Variants in GLIPR1L1 observed in about 807,000 individuals in gnomAD.
The protein encoded by GLIPR1L1 is GLIPR1 like 1, also known as GLIPR1-like protein 1.
Under a neutral mutation model 29.9 loss-of-function variants are expected in GLIPR1L1, and 26 were observed. That is an observed-to-expected ratio of 0.87 (90% CI 0.64 to 1.21). The LOEUF (loss-of-function observed/expected upper bound fraction) is 1.21, where lower values mean the gene tolerates loss of function less well. GLIPR1L1 is among the 50% of genes most tolerant of loss of function. The pLI is 0.00. For synonymous variants in GLIPR1L1, 77 were observed against 97.5 expected (o/e 0.79, Z 1.24); for missense variants, 305 against 290.3 (o/e 1.05, Z -0.37).
rs150024584 is a variant in GLIPR1L1, at chr12:75,343,788, T to C, written c.270T>C (p.Tyr90=). The change falls in exon 2 of 6, where the codon TAT becomes TAC. Residue 90 remains tyrosine (Y), a synonymous_variant. Transcript: ENST00000378695. ...NDCLDKSYKC[Y]AAFEYVGENI... ...GTTTGGATAAATCATATAAATGCTA[T>C]GCAGCTTTTGAATATGTTGGAGAAA... The C allele has an allele frequency of 1.6e-3, 2,648 of 1,612,954 alleles. 5 individuals carry two copies. Among genetic ancestry groups the C allele is most frequent in the Middle Eastern group, 3.1e-3 (19 of 6,056 alleles).
chr12:75,347,684 A>G lies in GLIPR1L1; in HGVS notation c.483A>G (p.Gly161=). The G allele has an allele frequency of 6.2e-7, 1 of 1,605,106 alleles. No homozygotes were observed. Residue 161 remains glycine, a synonymous_variant, in exon 3 of 6, where the codon GGA becomes GGG. Transcript: ENST00000378695. ...TTGCAATGTGTCCTAACCTTGGGGGAGCTTCAACTGCAATATTTGTATGCA... is the reference window on the plus strand; with the variant it reads ...TTGCAATGTGTCCTAACCTTGGGGGGGCTTCAACTGCAATATTTGTATGCA... ...CAVAMCPNLG[G]ASTAIFVCNY... is the part of the protein sequence containing the mutation.
At chr12:75,350,794 CA>C (rs1180757523) in intron 3 of GLIPR1L1, among the ~76,000 whole-genome samples, 1 of 152,146 alleles carries the variant, frequency 6.6e-6, no homozygotes, top group East Asian at 1.9e-4. Context: ...TCTTCAGCTG[CA>C]AATGATCACA....
intron 3 of GLIPR1L1, among the ~76,000 whole-genome samples, chr12:75,359,455 G>A (rs919337031): frequency 1.6e-5 from 2 of 125,058 alleles, no homozygotes; most frequent in African/African-American, 6.0e-5. Context: ...TGTATAAATT[G>A]ACAAGTTGAT....
chr12:75,360,948 C>T (rs1008169189), intron 3 of GLIPR1L1: 8 of 152,188 alleles, frequency 5.3e-5, no homozygotes, highest in Admixed American at 1.3e-4. Flanking sequence ...CTGTTGCAGT[C>T]TTTCTTCCCC....
At chr12:75,359,206 CA>C (rs2043378600) in intron 3 of GLIPR1L1, among the ~76,000 whole-genome samples, 1 of 150,528 alleles carries the variant, frequency 6.6e-6, no homozygotes, top group Admixed American at 6.6e-5. Context: ...ATAATAGCAT[CA>C]AAAAATATAA....
intron 2 of GLIPR1L1, among the ~76,000 whole-genome samples, chr12:75,346,655 C>T (rs1293110895): frequency 7.2e-5 from 11 of 152,148 alleles, no homozygotes. Context: ...TCCCAAATCT[C>T]GTTTTTAAGT....
intron 1 of GLIPR1L1, among the ~76,000 whole-genome samples, chr12:75,336,448 A>G (rs2041746167): frequency 6.6e-6 from 1 of 151,838 alleles, no homozygotes; most frequent in Admixed American, 6.5e-5. Context: ...TCACAAATAG[A>G]TTAAAGTAAA....
intron 1 of GLIPR1L1, among the ~76,000 whole-genome samples, chr12:75,341,656 C>T (rs2042121052): frequency 6.6e-6 from 1 of 151,800 alleles, no homozygotes; most frequent in African/African-American, 2.4e-5. Flanking sequence ...CCGTGTTAGC[C>T]AGGACGGTCA....
rs530159142 is a variant in GLIPR1L1, at chr12:75,358,298, C to T, written c.522-4804C>T. ...AAAGAGAAAAGTATAGAGCAATATC[C>T]CTCACAAACATAGGTACAAAAAAAT... On this transcript the variant is annotated intron_variant, in intron 3 of 5. Coordinates refer to ENST00000378695, the MANE Select transcript of GLIPR1L1 (RefSeq NM_001304964.2). Among the ~76,000 whole-genome samples, 13 of 151,360 alleles carry T rather than the reference C, an allele frequency of 8.6e-5. No individual in the cohort carries two copies. The South Asian group carries it at 2.5e-3, about 29-fold the overall frequency.
intron 1 of GLIPR1L1, among the ~76,000 whole-genome samples, chr12:75,338,710 C>T (rs966001125): frequency 6.6e-6 from 1 of 152,196 alleles, no homozygotes; most frequent in Admixed American, 6.5e-5. Flanking sequence ...ACGTATTAAG[C>T]CCAGCATCTA....
At chr12:75,353,201 T>C (rs758967173) in intron 3 of GLIPR1L1, among the ~76,000 whole-genome samples, 2 of 151,880 alleles carry the variant, frequency 1.3e-5, no homozygotes, top group Non-Finnish European at 2.9e-5. Context: ...AATCAATGAA[T>C]CCAGGAGCTG....
chr12:75,339,502 G>A (rs2139284817), intron 1 of GLIPR1L1, among the ~76,000 whole-genome samples: 1 of 152,272 alleles, frequency 6.6e-6, no homozygotes, highest in African/African-American at 2.4e-5. Flanking sequence ...ACCTTGGTCA[G>A]ATGGATAGAT....
intron 1 of GLIPR1L1, among the ~76,000 whole-genome samples, chr12:75,339,608 A>AT (rs1477275708): frequency 2.0e-5 from 3 of 151,968 alleles, no homozygotes; most frequent in African/African-American, 7.3e-5. Context: ...CCATTTGTCC[A>AT]TTTTTGTTTT....
Position 75,343,953 on chromosome 12 carries a change from T to A in GLIPR1L1, c.420+15T>A. The A allele has an allele frequency of 6.3e-7, 1 of 1,580,712 alleles. No homozygotes were observed. Among genetic ancestry groups the A allele is most frequent in the Non-Finnish European group, 8.6e-7 (1 of 1,156,952 alleles). ...ATTATACACAGGTAAATATTTGACA[T>A]CTTTATTGATTAGTTCTTATTTGTG... On this transcript the variant is annotated intron_variant, in intron 2 of 5. Transcript: ENST00000378695.
At chr12:75,346,916 A>AT in intron 2 of GLIPR1L1, among the ~76,000 whole-genome samples, 1 of 152,004 alleles carries the variant, frequency 6.6e-6, no homozygotes, top group East Asian at 1.9e-4. Context: ...GTAAACCAGT[A>AT]TTTTTTTCCC....
chr12:75,335,426 T>C (rs1315498004), intron 1 of GLIPR1L1, among the ~76,000 whole-genome samples: 1 of 152,216 alleles, frequency 6.6e-6, no homozygotes, highest in Admixed American at 6.5e-5. Flanking sequence ...AAATAATCCA[T>C]AGAATTTACA....
intron 3 of GLIPR1L1, among the ~76,000 whole-genome samples, chr12:75,353,913 C>T (rs1365241137): frequency 6.6e-6 from 1 of 152,048 alleles, no homozygotes; most frequent in Non-Finnish European, 1.5e-5. Flanking sequence ...TCAATAGATG[C>T]CAAAAGGCCT....
chr12:75,365,266 G>A (rs1425909227), intron 4 of GLIPR1L1: 2 of 152,024 alleles, frequency 1.3e-5, no homozygotes, highest in African/African-American at 4.8e-5. Context: ...TGGTTTTCCT[G>A]GAAGAAGTAA....
intron 1 of GLIPR1L1, among the ~76,000 whole-genome samples, chr12:75,342,817 C>G (rs2042204940): frequency 6.6e-6 from 1 of 152,046 alleles, no homozygotes; most frequent in Non-Finnish European, 1.5e-5. Context: ...TTATATCTCT[C>G]CATTTATTTA....
Sources: allele counts gnomAD v4.1 joint callset (sites outside exome capture counted in the v4.1 genomes callset), GRCh38; gene constraint gnomAD v4.1.1; transcripts MANE v1.5; gene names NCBI Gene and HGNC (gene_info 2026-07-23, HGNC 2026-07-21).